The following INPP5A variants were observed in gnomAD, a reference collection of about 807,000 sequenced individuals.
The protein encoded by INPP5A is 43 kDa inositol polyphosphate 5-phophatase.
Under a neutral mutation model 65.2 loss-of-function variants are expected in INPP5A, and 14 were observed. The ratio of observed to expected loss-of-function variants is 0.21; its 90% CI spans 0.14 to 0.34. INPP5A has a LOEUF of 0.34. INPP5A is among the 10% of genes least tolerant of loss of function. INPP5A has a pLI of 1.00. For synonymous variants in INPP5A, 207 were observed against 208.3 expected (o/e 0.99, Z 0.05); for missense variants, 431 against 545.6 (o/e 0.79, Z 2.09).
intron 8 of INPP5A, among the ~76,000 whole-genome samples, chr10:132,711,661 C>T (rs1403920325): frequency 6.6e-6 from 1 of 152,256 alleles, no homozygotes; most frequent in African/African-American, 2.4e-5. Flanking sequence ...GCCTCGCCCA[C>T]CTTCCAGCAG....
At chr10:132,588,003 ACT>A (rs2071568320) in intron 1 of INPP5A, among the ~76,000 whole-genome samples, 1 of 135,720 alleles carries the variant, frequency 7.4e-6, no homozygotes, top group Non-Finnish European at 1.6e-5. Context: ...CAAGAGTAAA[ACT>A]CCATCTCAAA....
chr10:132,619,499 A>G (rs2072084432), intron 2 of INPP5A, among the ~76,000 whole-genome samples: 1 of 152,158 alleles, frequency 6.6e-6, no homozygotes. Flanking sequence ...ACAAGCTGCC[A>G]GTGGATATAC....
At chr10:132,760,160 A>G (rs894943255) in intron 11 of INPP5A, among the ~76,000 whole-genome samples, 4 of 152,208 alleles carry the variant, frequency 2.6e-5, no homozygotes, top group African/African-American at 9.6e-5. Flanking sequence ...GCCTCTCTGC[A>G]GCACCTGCTG....
At chr10:132,690,274 A>G in intron 4 of INPP5A, 118 bp from the exon 5 acceptor site, 2 of 725,992 alleles carry the variant, frequency 2.8e-6, no homozygotes, top group South Asian at 3.4e-5. Flanking sequence ...TGATTAAATT[A>G]TAACTGGTGA....
intron 5 of INPP5A, among the ~76,000 whole-genome samples, chr10:132,696,631 C>A (rs1009600347): frequency 6.6e-6 from 1 of 152,198 alleles, no homozygotes. Flanking sequence ...ACTGTGGAGA[C>A]AGTGAAAGGA....
intron 1 of INPP5A, among the ~76,000 whole-genome samples, chr10:132,604,952 T>G (rs898522582): frequency 1.6e-4 from 24 of 152,102 alleles, no homozygotes; most frequent in African/African-American, 5.8e-4. Flanking sequence ...GCTCAGGGCC[T>G]GGTGGCTGTG....
intron 1 of INPP5A, among the ~76,000 whole-genome samples, chr10:132,552,213 A>G (rs1459051133): frequency 7.7e-6 from 1 of 129,938 alleles, no homozygotes; most frequent in Non-Finnish European, 1.6e-5. Flanking sequence ...TGGCATATTG[A>G]GTGGGATAGG....
At chr10:132,648,053 C>T (rs939574601) in intron 3 of INPP5A, among the ~76,000 whole-genome samples, 1 of 152,196 alleles carries the variant, frequency 6.6e-6, no homozygotes, top group African/African-American at 2.4e-5. Context: ...AAAACAAAAT[C>T]AAAATTCAGC....
chr10:132,657,726 A>G (rs370532035), intron 4 of INPP5A, among the ~76,000 whole-genome samples: 37 of 152,302 alleles, frequency 2.4e-4, no homozygotes, highest in African/African-American at 8.4e-4. Context: ...GAGTTTACGG[A>G]TGTTCTTTGA....
intron 2 of INPP5A, among the ~76,000 whole-genome samples, chr10:132,640,557 A>G (rs1359835400): frequency 2.6e-5 from 4 of 152,228 alleles, no homozygotes; most frequent in Admixed American, 2.0e-4. Context: ...CGCCCTGTGT[A>G]TCACTTCTCC....
At chr10:132,662,020 T>C (rs1053814795) in intron 4 of INPP5A, among the ~76,000 whole-genome samples, 2 of 152,244 alleles carry the variant, frequency 1.3e-5, no homozygotes, top group African/African-American at 4.8e-5. Flanking sequence ...TAGCTTGAAC[T>C]GGATCATAGA....
intron 2 of INPP5A, among the ~76,000 whole-genome samples, chr10:132,629,528 A>G (rs12767762): frequency 0.16 from 24,272 of 152,266 alleles, 2,332 homozygotes; most frequent in Admixed American, 0.26. Flanking sequence ...AGACCTGAAC[A>G]GAAGGTTCTT....
At chr10:132,629,991 T>C (rs2072243149) in intron 2 of INPP5A, among the ~76,000 whole-genome samples, 2 of 151,808 alleles carry the variant, frequency 1.3e-5, no homozygotes, top group Non-Finnish European at 2.9e-5. Context: ...AACGTCATCC[T>C]CGAGGGAAAA....
intron 4 of INPP5A, among the ~76,000 whole-genome samples, chr10:132,654,802 G>T (rs781001471): frequency 1.3e-4 from 20 of 152,282 alleles, no homozygotes; most frequent in Non-Finnish European, 2.2e-4. Flanking sequence ...TTCCCAGAAG[G>T]CGATTGAACC....
chr10:132,572,510 G>C (rs1444441090), intron 1 of INPP5A, among the ~76,000 whole-genome samples: 1 of 152,076 alleles, frequency 6.6e-6, no homozygotes, highest in African/African-American at 2.4e-5. Flanking sequence ...TGCTTTCCCT[G>C]GGAGGGATGC....
At position 132,713,577 on chromosome 10, in the gene INPP5A, T is replaced by C. The variant is rs568736008; in HGVS notation, c.647+3121T>C. Among the ~76,000 whole-genome samples, 13 of 152,228 alleles carry C rather than the reference T, an allele frequency of 8.5e-5. No individual in the cohort carries two copies. In the East Asian group the frequency reaches 2.5e-3, roughly 29 times the overall value. Reference sequence around the variant, plus strand: ...CTGAGGGCCCTGAGGCGTGGCCCCTTATCCCCTCTGACCGCCCCTGACCTC... The same window carrying C: ...CTGAGGGCCCTGAGGCGTGGCCCCTCATCCCCTCTGACCGCCCCTGACCTC... On this transcript the variant is annotated intron_variant, in intron 8 of 15. Transcript: ENST00000368594.
At chr10:132,713,020 A>G (rs1845674462) in intron 8 of INPP5A, among the ~76,000 whole-genome samples, 1 of 143,212 alleles carries the variant, frequency 7.0e-6, no homozygotes, top group South Asian at 2.3e-4. Context: ...GCTGGGGTGT[A>G]TGTATGTATG....
intron 11 of INPP5A, among the ~76,000 whole-genome samples, chr10:132,751,703 A>G (rs1354255403): frequency 2.2e-4 from 29 of 130,656 alleles, no homozygotes; most frequent in South Asian, 5.2e-4. Context: ...GGGTGGAGGC[A>G]GGTGCCCAGG....
At chr10:132,661,356 T>C (rs879589193) in intron 4 of INPP5A, among the ~76,000 whole-genome samples, 2 of 152,232 alleles carry the variant, frequency 1.3e-5, no homozygotes, top group Non-Finnish European at 2.9e-5. Flanking sequence ...AATCTCTTTA[T>C]GTAGTTAGTG....
Sources: gnomAD v4.1 joint callset for allele counts (sites outside exome capture counted in the v4.1 genomes callset) on GRCh38, gnomAD v4.1.1 for gene constraint, MANE v1.5 for transcripts, NCBI Gene and HGNC (gene_info 2026-07-23, HGNC 2026-07-21) for gene names.